Variants in NIPAL1 observed in about 807,000 individuals in gnomAD.
The protein encoded by NIPAL1 is NIPA like domain containing 1.
NIPAL1 carries 35 observed loss-of-function variants against 37.7 expected under a neutral mutation model. The ratio of observed to expected loss-of-function variants is 0.93; its 90% CI spans 0.71 to 1.23. The LOEUF (loss-of-function observed/expected upper bound fraction) is 1.23. Ranked by LOEUF, NIPAL1 falls within the 50% of genes most tolerant of loss-of-function variation. The pLI, the probability that NIPAL1 is intolerant of heterozygous loss-of-function variation, is 0.00. For synonymous variants in NIPAL1, 162 were observed against 183.0 expected (o/e 0.89, Z 0.93); for missense variants, 412 against 473.9 (o/e 0.87, Z 1.21).
Position 48,036,403 on chromosome 4 carries a change from A to G in NIPAL1, c.*231A>G, listed in dbSNP as rs1715948021. 2.1e-6 allele frequency: 1 copy of G among 472,632 alleles called. No individual in the cohort carries two copies. The highest frequency in any genetic ancestry group is 3.7e-6 in the Non-Finnish European group (1 of 269,376). The allele number at this position is 472,632 out of a possible 1,614,324, so 29.3% of individuals were successfully genotyped here. ...ATACTCTCTAAGGATCAAAGAAGTC[A>G]AAGAGCTATGTGTGTCTCAGAATAA... On this transcript the variant is annotated 3_prime_UTR_variant, in exon 6 of 6. Coordinates refer to ENST00000295461, the MANE Select transcript of NIPAL1 (RefSeq NM_207330.3).
At position 48,034,883 on chromosome 4, in the gene NIPAL1, C is replaced by G. The variant is rs769302562; in HGVS notation, c.464C>G (p.Ala155Gly). The G allele has an allele frequency of 3.7e-6, 6 of 1,610,952 alleles. No individual in the cohort carries two copies. Among genetic ancestry groups the G allele is most frequent in the Non-Finnish European group, 5.1e-6 (6 of 1,177,800 alleles). The change falls in exon 5 of 6, where the codon GCA becomes GGA. Residue 155 changes from alanine to glycine, a missense_variant and splice_region_variant. Transcript: ENST00000295461. ...PLGALSVLIS[A>G]ILSSYFLNEH... ...TTTAATTTTTTCTCTCCCAACAGTG[C>G]AATATTATCTTCCTACTTTTTAAAC...
At chr4:48,030,931 T>C (rs573458680) in intron 3 of NIPAL1, among the ~76,000 whole-genome samples, 2 of 152,346 alleles carry the variant, frequency 1.3e-5, no homozygotes, top group South Asian at 4.1e-4. Context: ...TGTAAGATCC[T>C]GTTATGAGAA....
rs748748658 is a variant in NIPAL1, at chr4:48,035,606, C to T, written c.667C>T (p.Leu223=). The part of the protein sequence containing the change: ...AVIITVISLV[L]ILIVAPKKGQ... ...GATCATAACTGTGATCTCCTTGGTG[C>T]TGATTTTGATTGTGGCTCCCAAGAA... The change falls in exon 6 of 6, where the codon CTG becomes TTG. Residue 223 remains leucine, a synonymous_variant. Coordinates refer to ENST00000295461, the MANE Select transcript of NIPAL1 (RefSeq NM_207330.3). 2 of 1,613,064 alleles carry T rather than the reference C, an allele frequency of 1.2e-6. No homozygotes were observed. Among genetic ancestry groups the T allele is most frequent in the Admixed American group, 3.3e-5 (2 of 59,796 alleles).
chr4:48,021,324 A>C (rs1715563312), intron 1 of NIPAL1, among the ~76,000 whole-genome samples: 1 of 114,984 alleles, frequency 8.7e-6, no homozygotes, highest in Non-Finnish European at 2.0e-5. Flanking sequence ...CTCATTTTAC[A>C]GATGCGGAAA....
Sources: gnomAD v4.1 joint callset for allele counts (sites outside exome capture counted in the v4.1 genomes callset) on GRCh38, gnomAD v4.1.1 for gene constraint, MANE v1.5 for transcripts, NCBI Gene and HGNC (gene_info 2026-07-23, HGNC 2026-07-21) for gene names.